GPC6: variants seen among roughly 807,000 people sequenced by gnomAD.
GPC6 encodes glypican 6.
In GPC6, 14 loss-of-function variants were observed where a neutral mutation model predicts 55.2. That is an observed-to-expected ratio of 0.25 (90% confidence interval 0.17 to 0.40). The LOEUF (loss-of-function observed/expected upper bound fraction) is 0.40. Ranked by LOEUF, GPC6 falls within the 10% of genes least tolerant of loss-of-function variation. The pLI is 1.00. For missense variants in GPC6, 641 were observed against 708.5 expected, an observed-to-expected ratio of 0.90 and a Z score of 1.08; for synonymous variants, 278 against 259.6, an observed-to-expected ratio of 1.07 and a Z score of -0.68.
chr13:94,027,627 G>C (rs925690167), intron 3 of GPC6, 102 bp from the exon 4 acceptor site: 8 of 997,840 alleles, frequency 8.0e-6, no homozygotes, highest in Middle Eastern at 2.2e-4. Context: ...ATTACAAAGG[G>C]TTAAGATTCT....
Position 94,027,904 on chromosome 13 carries a change from G to A in GPC6, c.877+10G>A. 6.2e-7 allele frequency: 1 copy of A among 1,612,550 alleles called. No individual in the cohort carries two copies. Reference sequence around the variant, plus strand: ...TGGAATCTGTTTATAGGTAAGAAGTGTTTAAATGGATCCGAGAACAGAGAC... The same window carrying A: ...TGGAATCTGTTTATAGGTAAGAAGTATTTAAATGGATCCGAGAACAGAGAC... On this transcript the variant is annotated intron_variant, in intron 4 of 8. Transcript: ENST00000377047.
chr13:94,193,062 C>CGTGTGT (rs66612458), intron 4 of GPC6, among the ~76,000 whole-genome samples: 75 of 148,710 alleles, frequency 5.0e-4, no homozygotes, highest in African/African-American at 1.4e-3. Context: ...TGAGACTCCT[C>CGTGTGT]GTGTGTGTGT....
At chr13:94,013,366 T>C (rs1882328776) in intron 3 of GPC6, among the ~76,000 whole-genome samples, 1 of 152,202 alleles carries the variant, frequency 6.6e-6, no homozygotes, top group Non-Finnish European at 1.5e-5. Context: ...GTTTTTGTTT[T>C]TGAGATGGAG....
chr13:94,123,872 G>A (rs1248647847), intron 4 of GPC6, among the ~76,000 whole-genome samples: 2 of 152,038 alleles, frequency 1.3e-5, no homozygotes, highest in East Asian at 1.9e-4. Flanking sequence ...AGTGTGTGAA[G>A]TAAGACAAAT....
chr13:93,413,256 T>A (rs1876579357), intron 1 of GPC6, among the ~76,000 whole-genome samples: 1 of 152,180 alleles, frequency 6.6e-6, no homozygotes, highest in Non-Finnish European at 1.5e-5. Context: ...CAAATAGTTA[T>A]TTCACATTAC....
intron 2 of GPC6, among the ~76,000 whole-genome samples, chr13:93,769,832 A>G (rs1031255651): frequency 1.3e-5 from 2 of 152,192 alleles, no homozygotes; most frequent in Non-Finnish European, 2.9e-5. Flanking sequence ...GTGTTTTTCC[A>G]ATCTTGGTAG....
chr13:94,323,742 A>G (rs930864376), intron 6 of GPC6, among the ~76,000 whole-genome samples: 1 of 152,232 alleles, frequency 6.6e-6, no homozygotes, highest in African/African-American at 2.4e-5. Flanking sequence ...AACTTATACA[A>G]ATAGAAAAAT....
At chr13:93,569,841 G>A (rs976659866) in intron 2 of GPC6, among the ~76,000 whole-genome samples, 2 of 151,980 alleles carry the variant, frequency 1.3e-5, no homozygotes, top group African/African-American at 2.4e-5. Context: ...ATCCTATTCA[G>A]AATTTGTGTG....
intron 4 of GPC6, among the ~76,000 whole-genome samples, chr13:94,181,017 A>T (rs9524360): frequency 0.25 from 37,679 of 152,034 alleles, 4,853 homozygotes; most frequent in Middle Eastern, 0.38. Flanking sequence ...ATCCCCAGAA[A>T]TTTTACTTCA....
At chr13:93,545,806 A>G (rs953215038) in intron 2 of GPC6, among the ~76,000 whole-genome samples, 1 of 152,180 alleles carries the variant, frequency 6.6e-6, no homozygotes, top group Non-Finnish European at 1.5e-5. Flanking sequence ...ATATAACATC[A>G]CATTTGAAGA....
At chr13:94,005,241 C>G (rs1306500695) in intron 3 of GPC6, among the ~76,000 whole-genome samples, 2 of 152,250 alleles carry the variant, frequency 1.3e-5, no homozygotes, top group East Asian at 3.9e-4. Flanking sequence ...ATATATTCTT[C>G]CCCTCAGTTT....
intron 7 of GPC6, among the ~76,000 whole-genome samples, chr13:94,388,079 G>A (rs1594232280): frequency 6.6e-6 from 1 of 152,162 alleles, no homozygotes; most frequent in East Asian, 1.9e-4. Flanking sequence ...AGCACATAAA[G>A]ATAATAGACA....
At chr13:93,284,303 CAT>C (rs987279713) in intron 1 of GPC6, among the ~76,000 whole-genome samples, 2 of 152,160 alleles carry the variant, frequency 1.3e-5, no homozygotes, top group African/African-American at 2.4e-5. Context: ...AGCCTCAAAT[CAT>C]GTGTATGTCT....
At chr13:93,476,523 AC>A (rs1456888022) in intron 1 of GPC6, among the ~76,000 whole-genome samples, 1 of 152,192 alleles carries the variant, frequency 6.6e-6, no homozygotes, top group Non-Finnish European at 1.5e-5. Flanking sequence ...AACACTATTT[AC>A]AAAAAATGTA....
chr13:93,457,954 G>A (rs923015053), intron 1 of GPC6, among the ~76,000 whole-genome samples: 3 of 152,072 alleles, frequency 2.0e-5, no homozygotes, highest in Non-Finnish European at 4.4e-5. Context: ...TCTCCTTTCT[G>A]CCTCTCCCTC....
chr13:93,445,584 A>C (rs1386245115), intron 1 of GPC6, among the ~76,000 whole-genome samples: 1 of 152,216 alleles, frequency 6.6e-6, no homozygotes, highest in Non-Finnish European at 1.5e-5. Flanking sequence ...AGCAATCTGC[A>C]GAGCAAATTA....
At chr13:94,153,127 A>C (rs1209012949) in intron 4 of GPC6, among the ~76,000 whole-genome samples, 2 of 152,124 alleles carry the variant, frequency 1.3e-5, no homozygotes, top group African/African-American at 4.8e-5. Context: ...GGTGGAAAAT[A>C]TTAGGGAGGC....
intron 6 of GPC6, among the ~76,000 whole-genome samples, chr13:94,377,937 A>G (rs1176514017): frequency 2.0e-5 from 3 of 152,212 alleles, no homozygotes; most frequent in Admixed American, 6.5e-5. Context: ...TCAGTAAACT[A>G]TCACAAGAAC....
At chr13:93,400,650 C>T (rs1196120903) in intron 1 of GPC6, among the ~76,000 whole-genome samples, 2 of 152,000 alleles carry the variant, frequency 1.3e-5, no homozygotes, top group Non-Finnish European at 2.9e-5. Context: ...GGATGGATAC[C>T]TAATTTTCTG....
Sources: allele counts gnomAD v4.1 joint callset (sites outside exome capture counted in the v4.1 genomes callset), GRCh38; gene constraint gnomAD v4.1.1; transcripts MANE v1.5; gene names NCBI Gene and HGNC (gene_info 2026-07-23, HGNC 2026-07-21).